The following SESTD1 variants were observed in gnomAD, a reference collection of about 807,000 sequenced individuals.
SESTD1 encodes SEC14 and spectrin domain containing 1, also known as SEC14 domain and spectrin repeat-containing protein 1.
SESTD1 carries 43 observed loss-of-function variants against 101.7 expected under a neutral mutation model. The ratio of observed to expected loss-of-function variants is 0.42; its 90% CI spans 0.33 to 0.55. SESTD1 has a LOEUF of 0.55. Among genes scored for constraint, SESTD1 ranks in the 20% least tolerant of loss-of-function variants. The pLI, the probability that SESTD1 is intolerant of heterozygous loss-of-function variation, is 0.07. For synonymous variants in SESTD1, 283 were observed against 286.8 expected, an observed-to-expected ratio of 0.99 and a Z score of 0.13; for missense variants, 647 against 815.1, an observed-to-expected ratio of 0.79 and a Z score of 2.51.
chr2:179,237,577 G>A (rs890339205), intron 1 of SESTD1, among the ~76,000 whole-genome samples: 7 of 152,088 alleles, frequency 4.6e-5, no homozygotes, highest in Non-Finnish European at 1.0e-4. Flanking sequence ...TAAGACAAAT[G>A]GCTAAGTTTG....
chr2:179,238,714 T>C (rs555557317), intron 1 of SESTD1, among the ~76,000 whole-genome samples: 29 of 152,280 alleles, frequency 1.9e-4, no homozygotes, highest in Admixed American at 1.9e-3. Flanking sequence ...AAATTGAGTA[T>C]ATGGCCCTAA....
intron 1 of SESTD1, among the ~76,000 whole-genome samples, chr2:179,229,122 C>T (rs113290775): frequency 6.6e-6 from 1 of 152,312 alleles, no homozygotes; most frequent in East Asian, 1.9e-4. Flanking sequence ...GTAAATTTCA[C>T]GTGTTAACTT....
chr2:179,245,610 C>A (rs1456524015), intron 1 of SESTD1, among the ~76,000 whole-genome samples: 1 of 150,112 alleles, frequency 6.7e-6, no homozygotes, highest in Non-Finnish European at 1.5e-5. Context: ...GGGAGGATCA[C>A]TCAAGCCCAG....
chr2:179,113,865 C>CA (rs778424702), intron 16 of SESTD1, among the ~76,000 whole-genome samples: 4,073 of 90,132 alleles, frequency 0.045, 70 homozygotes, highest in Middle Eastern at 0.1. Flanking sequence ...GACTCTGTCT[C>CA]AAAAAAAAAA....
At chr2:179,175,897 T>C (rs2046003487) in intron 4 of SESTD1, among the ~76,000 whole-genome samples, 1 of 152,186 alleles carries the variant, frequency 6.6e-6, no homozygotes, top group South Asian at 2.1e-4. Flanking sequence ...TAAATGTTAA[T>C]TTGTGAGGGG....
chr2:179,173,851 T>C (rs1223603321), intron 4 of SESTD1, among the ~76,000 whole-genome samples: 1 of 152,170 alleles, frequency 6.6e-6, no homozygotes, highest in Non-Finnish European at 1.5e-5. Context: ...AATAAAACTT[T>C]ATAAATTCAA....
At chr2:179,215,898 T>A (rs1422439631) in intron 1 of SESTD1, among the ~76,000 whole-genome samples, 3 of 135,038 alleles carry the variant, frequency 2.2e-5, no homozygotes, top group Non-Finnish European at 4.8e-5. Context: ...ACCACATGAT[T>A]ATATCAACAG....
chr2:179,190,919 T>C (rs1236123270), intron 2 of SESTD1, among the ~76,000 whole-genome samples: 1 of 152,196 alleles, frequency 6.6e-6, no homozygotes, highest in African/African-American at 2.4e-5. Flanking sequence ...GTATACACTG[T>C]TGGTGGTCAT....
intron 5 of SESTD1, among the ~76,000 whole-genome samples, chr2:179,154,512 GGCT>G (rs1383485708): frequency 2.6e-5 from 4 of 152,068 alleles, no homozygotes; most frequent in Non-Finnish European, 5.9e-5. Flanking sequence ...GAACATTAAT[GGCT>G]GCTAACGTCA....
chr2:179,177,723 G>A (rs972271777), intron 3 of SESTD1, among the ~76,000 whole-genome samples: 1 of 152,192 alleles, frequency 6.6e-6, no homozygotes, highest in African/African-American at 2.4e-5. Flanking sequence ...TGATGCATAT[G>A]TTCACACAAA....
At chr2:179,197,322 T>C (rs990194010) in intron 1 of SESTD1, among the ~76,000 whole-genome samples, 1 of 151,490 alleles carries the variant, frequency 6.6e-6, no homozygotes, top group Admixed American at 6.6e-5. Flanking sequence ...AAAGACCAAA[T>C]CTACATCTCA....
chr2:179,224,399 GGCT>G (rs2046854102), intron 1 of SESTD1, among the ~76,000 whole-genome samples: 1 of 152,154 alleles, frequency 6.6e-6, no homozygotes, highest in Admixed American at 6.5e-5. Flanking sequence ...TTAAACCTAA[GGCT>G]AAGTCCAAGG....
At chr2:179,116,135 G>A (rs574755231) in intron 15 of SESTD1, among the ~76,000 whole-genome samples, 14 of 151,812 alleles carry the variant, frequency 9.2e-5, no homozygotes, top group Non-Finnish European at 5.9e-5. Flanking sequence ...CTAGCCAGGC[G>A]TGGTGGCCGG....
intron 10 of SESTD1, among the ~76,000 whole-genome samples, chr2:179,130,610 T>TTATC (rs2044989365): frequency 6.6e-6 from 1 of 152,036 alleles, no homozygotes; most frequent in African/African-American, 2.4e-5. Flanking sequence ...CTGTAATTAT[T>TTATC]TATCTTGGCA....
At chr2:179,209,011 A>C (rs2046620869) in intron 1 of SESTD1, among the ~76,000 whole-genome samples, 1 of 135,254 alleles carries the variant, frequency 7.4e-6, no homozygotes, top group Non-Finnish European at 1.6e-5. Context: ...CATAAACTTA[A>C]GGTAAACAGG....
chr2:179,134,645 T>C (rs571634374), intron 9 of SESTD1, among the ~76,000 whole-genome samples: 2 of 152,238 alleles, frequency 1.3e-5, no homozygotes, highest in African/African-American at 2.4e-5. Flanking sequence ...AGGTTTCCAA[T>C]AGAGATTGGA....
rs1410706414 is a variant in SESTD1 at position 179,108,289 on chromosome 2, C to T, written c.*1610G>A. 1 of 152,094 alleles carries T rather than the reference C, an allele frequency of 6.6e-6. No homozygotes were observed. Among genetic ancestry groups the T allele is most frequent in the East Asian group, 1.9e-4 (1 of 5,198 alleles). 9.4% of individuals were successfully genotyped at this position (152,094 alleles called of 1,614,324 possible). On this transcript the variant is annotated 3_prime_UTR_variant, in exon 18 of 18. Transcript: ENST00000428443. ...CTTAAATTAGGGTTATGCGACTGTA[C>T]TCACAGTTATTTCAGAGGATAGCAT...
rs112644372 is a variant in SESTD1 at position 179,157,479 on chromosome 2, C to T, written c.370-6088G>A. ...CCTGATTTCAAACTATACTATAAGGCCATAATAACAGTGTCATTGTTTCTT... is the reference window on the plus strand; with the variant it reads ...CCTGATTTCAAACTATACTATAAGGTCATAATAACAGTGTCATTGTTTCTT... On this transcript the variant is annotated intron_variant, in intron 5 of 17. Transcript: ENST00000428443. Among the ~76,000 whole-genome samples, 324 of 152,164 alleles carry T rather than the reference C, an allele frequency of 2.1e-3. 6 individuals carry two copies. The highest frequency in any genetic ancestry group is 7.5e-3 in the African/African-American group (310 of 41,534).
At chr2:179,221,581 T>C (rs1405169765) in intron 1 of SESTD1, among the ~76,000 whole-genome samples, 3 of 149,228 alleles carry the variant, frequency 2.0e-5, no homozygotes, top group African/African-American at 7.5e-5. Context: ...ATGGCGCCAC[T>C]GCACTCCAGC....
Sources: gnomAD v4.1 joint callset for allele counts (sites outside exome capture counted in the v4.1 genomes callset) on GRCh38, gnomAD v4.1.1 for gene constraint, MANE v1.5 for transcripts, NCBI Gene and HGNC (gene_info 2026-07-23, HGNC 2026-07-21) for gene names.